MYH6: variants seen among roughly 807,000 people sequenced by gnomAD.
MYH6 encodes the protein myosin-6.
MYH6 carries 126 observed loss-of-function variants against 223.2 expected under a neutral mutation model. The ratio of observed to expected loss-of-function variants is 0.56; its 90% CI spans 0.49 to 0.65. The LOEUF is 0.65. Ranked by LOEUF, MYH6 falls within the 30% of genes least tolerant of loss-of-function variation. The pLI, the probability that MYH6 is intolerant of heterozygous loss-of-function variation, is 0.00. For missense variants in MYH6, 2,040 were observed against 2,536.4 expected, an observed-to-expected ratio of 0.80 and a Z score of 4.20; for synonymous variants, 978 against 1,010.2, an observed-to-expected ratio of 0.97 and a Z score of 0.61.
intron 36 of MYH6, among the ~76,000 whole-genome samples, chr14:23,383,842 A>ATGCC (rs1453548490): frequency 2.0e-5 from 3 of 152,208 alleles, no homozygotes; most frequent in Admixed American, 6.5e-5. Context: ...ATGTGCCAGG[A>ATGCC]TGCCATTTCT....
At position 23,405,880 on chromosome 14, in the gene MYH6, C is replaced by A; in HGVS notation, c.202-110G>T. 1 of 1,418,284 alleles carries A rather than the reference C, an allele frequency of 7.1e-7. No homozygotes were observed. The allele number at this position is 1,418,284 out of a possible 1,614,324, so 87.9% of individuals were successfully genotyped here. ...GACACAGGGACTTGGCCTTGCTCCC[C>A]TTGCTCTGACCAGTGCCCCGGCCCC... is the stretch of plus-strand genomic sequence containing the variant. On this transcript the variant is annotated intron_variant, in intron 3 of 38. Transcript: ENST00000405093. This position sits in a 1 kb window ranked among gnomAD's most constrained non-coding sequence, Gnocchi z 4.7.
chr14:23,388,626 G>T, intron 29 of MYH6: 1 of 858,674 alleles, frequency 1.2e-6, no homozygotes, highest in Non-Finnish European at 2.0e-6. Context: ...CGTCTTATAC[G>T]TGAGCATCAG....
At chr14:23,398,610 G>C in intron 15 of MYH6, 118 bp downstream of exon 15, 1 of 1,195,498 alleles carries the variant, frequency 8.4e-7, no homozygotes, top group South Asian at 1.2e-5. Flanking sequence ...CCAGGAGGTG[G>C]CTTGACTCAT....
chr14:23,403,027 A>G (rs1891657271), intron 10 of MYH6, among the ~76,000 whole-genome samples: 1 of 151,722 alleles, frequency 6.6e-6, no homozygotes, highest in Admixed American at 6.6e-5. Context: ...CTCCAGTAAC[A>G]AGGAGGAGGG....
intron 20 of MYH6, among the ~76,000 whole-genome samples, chr14:23,394,583 AT>A (rs1333863661): frequency 1.3e-5 from 2 of 152,194 alleles, no homozygotes; most frequent in Non-Finnish European, 2.9e-5. Flanking sequence ...TGGTTTTTCT[AT>A]TCTCATAAGA....
At chr14:23,400,056 C>T (rs1891550856) in intron 14 of MYH6, 200 bp downstream of exon 14, 3 of 786,400 alleles carry the variant, frequency 3.8e-6, no homozygotes, top group East Asian at 2.7e-5. Context: ...CACAAAGGGG[C>T]ATAAAGTGCA....
In MYH6 at chr14:23,382,497, C is replaced by T. The variant is rs770938810; in HGVS notation, c.5727G>A (p.Glu1909=). The change falls in exon 38 of 39, where the codon GAG becomes GAA. Residue 1909 remains glutamate, a synonymous_variant. Coordinates refer to ENST00000405093, the MANE Select transcript of MYH6 (RefSeq NM_002471.4). ...GGGACTCAGCGATGTCCGCCCGCTC[C>T]TCTGCCTCATCCAGCTCATGCTGCA... ...RKVQHELDEA[E]ERADIAESQV... 1.2e-6 allele frequency: 2 copies of T among 1,614,190 alleles called. No homozygotes were observed. Among genetic ancestry groups the T allele is most frequent in the African/African-American group, 1.3e-5 (1 of 75,028 alleles).
Position 23,390,259 on chromosome 14 carries a change from C to T in MYH6, c.3530G>A (p.Arg1177Gln), listed in dbSNP as rs780211563. 14 of 1,588,204 alleles carry T rather than the reference C, an allele frequency of 8.8e-6. No homozygotes were observed. Among genetic ancestry groups the T allele is most frequent in the East Asian group, 4.6e-5 (2 of 43,890 alleles). The change falls in exon 26 of 39, where the codon CGG (arginine) becomes CAG (glutamine). Residue 1177 changes from arginine (R) to glutamine (Q), a missense_variant. Around this residue, in one of 4 missense-constraint regions of MYH6, gnomAD observed 1,203 missense variants for 1,400.2 expected, o/e 0.86. Coordinates refer to ENST00000405093, the MANE Select transcript of MYH6 (RefSeq NM_002471.4). ...CAGCGTGGCCTCCTCCAGGTCCCGC[C>T]GCATCTTCTGGAACTCGGCCTCGCG... ...KKREAEFQKMRRDLEEATLQH... is the reference protein window; with the variant it reads ...KKREAEFQKMQRDLEEATLQH...
At position 23,398,917 on chromosome 14, in the gene MYH6, G is replaced by A. The variant is rs149650190; in HGVS notation, c.1702C>T (p.Arg568Cys). The A allele has an allele frequency of 2.0e-5, 33 of 1,614,036 alleles. 1 individual carries two copies. The highest frequency in any genetic ancestry group is 1.7e-4 in the Admixed American group (10 of 60,008). ...GCTTCCTGCTTCCCCTTGATGTTGCGTGGCTTCTGGAAATTGTTGGACTTG... is the reference window on the plus strand; with the variant it reads ...GCTTCCTGCTTCCCCTTGATGTTGCATGGCTTCTGGAAATTGTTGGACTTG... ...LGKSNNFQKP[R>C]NIKGKQEAHF... Residue 568 changes from arginine (R) to cysteine (C), a missense_variant, in exon 15 of 39, where the codon CGC (arginine) becomes TGC (cysteine). Transcript: ENST00000405093.
At chr14:23,404,534 C>G in intron 7 of MYH6, 146 bp from the exon 8 acceptor site, 3 of 1,135,914 alleles carry the variant, frequency 2.6e-6, no homozygotes, top group Non-Finnish European at 3.9e-6. Flanking sequence ...CAGGATCCTA[C>G]CCAGACCTCA....
At chr14:23,384,081 T>C (rs1390115810) in intron 36 of MYH6, among the ~76,000 whole-genome samples, 4 of 152,040 alleles carry the variant, frequency 2.6e-5, no homozygotes, top group Admixed American at 6.6e-5. Context: ...AGAAGTTCTA[T>C]GGAAGATTTC....
chr14:23,386,130 T>A lies in MYH6; in HGVS notation c.4961A>T (p.Asp1654Val), dbSNP rs1487830665. ...QVKSLQSLLK[D>V]TQIQLDDAVR... Reference sequence around the variant, plus strand: ...CGCATCGTCCAGCTGGATCTGGGTGTCCTGAGCATCAGGAGAGTGGGTGTG... The same window carrying A: ...CGCATCGTCCAGCTGGATCTGGGTGACCTGAGCATCAGGAGAGTGGGTGTG... The change falls in exon 34 of 39, where the codon GAC (aspartate) becomes GTC (valine). Residue 1654 changes from aspartate (D) to valine (V), a missense_variant and splice_region_variant. Coordinates refer to ENST00000405093, the MANE Select transcript of MYH6 (RefSeq NM_002471.4). The A allele has an allele frequency of 6.2e-7, 1 of 1,614,098 alleles. No individual in the cohort carries two copies. The highest frequency in any genetic ancestry group is 8.5e-7 in the Non-Finnish European group (1 of 1,180,044).
At position 23,396,811 on chromosome 14, in the gene MYH6, G is replaced by A. The variant is rs768890448; in HGVS notation, c.2175C>T (p.Arg725=). Residue 725 remains arginine (R), a synonymous_variant, in exon 19 of 39, where the codon CGC becomes CGT. Transcript: ENST00000405093. ...CAGGGATGGCCACTGGGTTCAGGAT[G>A]CGATACCTGAGGAGGGAAGTGTCCA... ...ILYGDFRQRY[R]ILNPVAIPEG... is the part of the protein sequence containing the mutation. The A allele has an allele frequency of 3.1e-6, 5 of 1,613,882 alleles. No homozygotes were observed. The highest frequency in any genetic ancestry group is 3.3e-5 in the Admixed American group (2 of 60,004).
At position 23,393,524 on chromosome 14, in the gene MYH6, G is replaced by A. The variant is rs1190687141; in HGVS notation, c.2929-6C>T. On this transcript the variant is annotated splice_polypyrimidine_tract_variant and splice_region_variant and intron_variant, in intron 22 of 38. Transcript: ENST00000405093. ...TCCTCTGTTAGGTTCTTCACCTGCC[G>A]ACCAAAAACCCATCCCCTTTAGGGT... The A allele has an allele frequency of 5.0e-6, 8 of 1,613,762 alleles. No homozygotes were observed. The highest frequency in any genetic ancestry group is 2.2e-5 in the South Asian group (2 of 91,064).
At chr14:23,387,428 T>C (rs1399162812) in intron 32 of MYH6, 101 bp downstream of exon 32, 14 of 1,561,114 alleles carry the variant, frequency 9.0e-6, no homozygotes, top group Non-Finnish European at 1.1e-5. Context: ...GAATATGGAA[T>C]GAATAGATTT....
chr14:23,398,473 G>A (rs949897360), intron 15 of MYH6, among the ~76,000 whole-genome samples: 2 of 152,276 alleles, frequency 1.3e-5, no homozygotes, highest in African/African-American at 4.8e-5. Context: ...GGATGCATGT[G>A]CCACCCTCAC....
Position 23,387,801 on chromosome 14 carries a change from C to T in MYH6, c.4482G>A (p.Leu1494=), listed in dbSNP as rs535623468. The part of the protein sequence containing the change: ...FKLKNAYEES[L]EHLETFKREN... The stretch of plus-strand genomic sequence containing the variant: ...CCCGCTTGAAGGTCTCTAGGTGCTC[C>T]AGGGACTCCTCGTAGGCGTTCTTGA... The change falls in exon 31 of 39, where the codon CTG becomes CTA. Residue 1494 remains leucine (L), a synonymous_variant. Coordinates refer to ENST00000405093, the MANE Select transcript of MYH6 (RefSeq NM_002471.4). 4 of 1,614,094 alleles carry T rather than the reference C, an allele frequency of 2.5e-6. No individual in the cohort carries two copies. The Admixed American group carries it at 6.7e-5, about 27-fold the overall frequency.
rs757144752 is a variant in MYH6 at position 23,403,406 on chromosome 14, A to G, written c.840T>C (p.Ala280=). ...EKSRVIFQLK[A]ERNYHIFYQI... ...GGTAGAAGATGTGGTAGTTTCTCTC[A>G]GCTTTCAGCTGGAAGATCACCCGGG... The change falls in exon 10 of 39, where the codon GCT becomes GCC. Residue 280 remains alanine, a synonymous_variant. Transcript: ENST00000405093. The G allele has an allele frequency of 1.2e-6, 2 of 1,614,120 alleles. No individual in the cohort carries two copies. Among genetic ancestry groups the G allele is most frequent in the Admixed American group, 1.7e-5 (1 of 60,028 alleles).
chr14:23,407,240 G>A lies in MYH6; in HGVS notation c.-13-4C>T. The stretch of plus-strand genomic sequence containing the variant: ...ATCGGTCATCTTGGTGCTTCCCCTG[G>A]GTCAGAGACAGGAGGGCTATGTTAC... On this transcript the variant is annotated splice_region_variant and splice_polypyrimidine_tract_variant and intron_variant, in intron 2 of 38. Transcript: ENST00000405093. This position sits in a 1 kb window ranked among gnomAD's most constrained non-coding sequence, Gnocchi z 5.6. 1 of 1,614,084 alleles carries A rather than the reference G, an allele frequency of 6.2e-7. No homozygotes were observed. The highest frequency in any genetic ancestry group is 8.5e-7 in the Non-Finnish European group (1 of 1,180,024).
Sources: allele counts gnomAD v4.1 joint callset (sites outside exome capture counted in the v4.1 genomes callset), GRCh38; gene constraint gnomAD v4.1.1; regional missense constraint gnomAD v4.1.1; non-coding constraint Gnocchi (gnomAD v3.1); transcripts MANE v1.5; gene names NCBI Gene and HGNC (gene_info 2026-07-23, HGNC 2026-07-21).